The following BTRC variants were observed in gnomAD, a reference collection of about 807,000 sequenced individuals.
The protein encoded by BTRC is F-box/WD repeat-containing protein 1A.
In BTRC, 42 loss-of-function variants were observed where a neutral mutation model predicts 85.5. That is an observed-to-expected ratio of 0.49 (90% confidence interval 0.38 to 0.64). BTRC has a LOEUF of 0.64. BTRC is among the 30% of genes least tolerant of loss of function. The pLI is 0.00. For synonymous variants in BTRC, 255 were observed against 263.3 expected, an observed-to-expected ratio of 0.97 and a Z score of 0.30; for missense variants, 594 against 743.5, an observed-to-expected ratio of 0.80 and a Z score of 2.34.
chr10:101,452,888 C>A (rs1194798933), intron 2 of BTRC, among the ~76,000 whole-genome samples: 1 of 152,096 alleles, frequency 6.6e-6, no homozygotes, highest in Non-Finnish European at 1.5e-5. Context: ...CACTTTAGGT[C>A]CTCCCTAAAA....
intron 1 of BTRC, among the ~76,000 whole-genome samples, chr10:101,366,980 ATATT>A (rs1942456872): frequency 1.4e-5 from 1 of 70,254 alleles, no homozygotes; most frequent in Non-Finnish European, 2.6e-5. Context: ...ATATATTTAT[ATATT>A]TATATATATT....
In BTRC at chr10:101,534,752, G is replaced by A. The variant is rs1290811043; in HGVS notation, c.1189G>A (p.Val397Met). 4.3e-6 allele frequency: 7 copies of A among 1,614,146 alleles called. No homozygotes were observed. Among genetic ancestry groups the A allele is most frequent in the Non-Finnish European group, 5.1e-6 (6 of 1,180,014 alleles). The change falls in exon 10 of 15, where the codon GTG becomes ATG. Residue 397 changes from valine (V) to methionine (M), a missense_variant. Around this residue, in one of 4 missense-constraint regions of BTRC, gnomAD observed 373 missense variants for 503.6 expected, o/e 0.74. Coordinates refer to ENST00000370187, the MANE Select transcript of BTRC (RefSeq NM_033637.4). ...CTTGCGTTTCAATAATGGCATGATG[G>A]TGACCTGCTCCAAAGATCGTTCCAT... ...LHLRFNNGMMVTCSKDRSIAV... is the reference protein window; with the variant it reads ...LHLRFNNGMMMTCSKDRSIAV...
At chr10:101,422,867 T>A (rs1376123155) in intron 1 of BTRC, among the ~76,000 whole-genome samples, 1 of 152,218 alleles carries the variant, frequency 6.6e-6, no homozygotes, top group East Asian at 1.9e-4. Flanking sequence ...TTTTGGTTAC[T>A]GTTGCCTTGT....
At chr10:101,498,180 G>A (rs1368217480) in intron 4 of BTRC, among the ~76,000 whole-genome samples, 3 of 152,008 alleles carry the variant, frequency 2.0e-5, no homozygotes, top group Non-Finnish European at 1.5e-5. Context: ...TTGAGATGGA[G>A]TCTCATCCTG....
At chr10:101,367,469 T>C (rs760929131) in intron 1 of BTRC, among the ~76,000 whole-genome samples, 6 of 152,172 alleles carry the variant, frequency 3.9e-5, no homozygotes, top group Non-Finnish European at 5.9e-5. Flanking sequence ...TAGTTACATA[T>C]TTTTAATATG....
intron 1 of BTRC, among the ~76,000 whole-genome samples, chr10:101,383,057 A>ATTTTTTT (rs370353886): frequency 2.6e-5 from 3 of 116,486 alleles, no homozygotes; most frequent in African/African-American, 7.2e-5. Flanking sequence ...TTCCCTGGAG[A>ATTTTTTT]TTTTTTTTTT....
At chr10:101,463,524 A>C (rs1250143724) in intron 3 of BTRC, among the ~76,000 whole-genome samples, 1 of 152,240 alleles carries the variant, frequency 6.6e-6, no homozygotes, top group African/African-American at 2.4e-5. Context: ...GAGCCTGAGC[A>C]GCAGTAAAAA....
At chr10:101,535,534 C>T in intron 11 of BTRC, 62 bp downstream of exon 11, 1 of 1,138,764 alleles carries the variant, frequency 8.8e-7, no homozygotes, top group African/African-American at 1.6e-5. Flanking sequence ...ATTATTAATG[C>T]ACAGATCATA....
At chr10:101,503,935 A>T (rs1946453431) in intron 4 of BTRC, among the ~76,000 whole-genome samples, 2 of 152,146 alleles carry the variant, frequency 1.3e-5, no homozygotes, top group Non-Finnish European at 1.5e-5. Context: ...TCTTTATTTA[A>T]ACCCGACTGT....
intron 4 of BTRC, 120 bp from the exon 5 acceptor site, chr10:101,521,519 G>C: frequency 1.4e-6 from 1 of 715,496 alleles, no homozygotes; most frequent in South Asian, 2.0e-5. Context: ...ATTGCTAATA[G>C]AATAACAGAG....
intron 1 of BTRC, among the ~76,000 whole-genome samples, chr10:101,366,790 T>TA (rs1448574403): frequency 3.0e-4 from 18 of 59,146 alleles, no homozygotes; most frequent in East Asian, 2.1e-3. Flanking sequence ...ATATATATAT[T>TA]TTTACATTTA....
Position 101,532,301 on chromosome 10 carries a change from G to T in BTRC, c.847G>T (p.Glu283Ter). Residue 283 changes from glutamate to a stop codon, truncating the protein, a stop_gained, in exon 8 of 15, where the codon GAA (glutamate) becomes TAA (stop). Transcript: ENST00000370187. LOFTEE classifies it high-confidence loss of function. ...TCCCATTCCTTCTTCTCAGACAATA[G>T]AATCTAATTGGAGATGTGGAAGACA... ...PKIIQDIETI[E>*]SNWRCGRHSL... 1 of 1,610,410 alleles carries T rather than the reference G, an allele frequency of 6.2e-7. No homozygotes were observed. Among genetic ancestry groups the T allele is most frequent in the South Asian group, 1.1e-5 (1 of 90,290 alleles).
chr10:101,364,931 C>T (rs987308239), intron 1 of BTRC: 16 of 150,998 alleles, frequency 1.1e-4, no homozygotes, highest in African/African-American at 3.9e-4. Context: ...CTCCCTGCTC[C>T]AAAAATCTAT....
chr10:101,363,184 T>C (rs1476494611), intron 1 of BTRC, among the ~76,000 whole-genome samples: 1 of 152,244 alleles, frequency 6.6e-6, no homozygotes, highest in Non-Finnish European at 1.5e-5. Context: ...AGTATTATTA[T>C]TATCCCCATT....
At chr10:101,498,811 T>C (rs1946329578) in intron 4 of BTRC, among the ~76,000 whole-genome samples, 2 of 152,044 alleles carry the variant, frequency 1.3e-5, no homozygotes, top group South Asian at 4.1e-4. Context: ...ACCAACATGG[T>C]GAAACCCCGT....
At position 101,360,370 on chromosome 10, in the gene BTRC, C is replaced by CT. The variant is rs35794052; in HGVS notation, c.48+6163dup. On this transcript the variant is annotated intron_variant, in intron 1 of 14. Coordinates refer to ENST00000370187, the MANE Select transcript of BTRC (RefSeq NM_033637.4). ...ATGCCTGGCCTAGAGATGGGATCTG[C>CT]TTTTTTTTTTTTTTTTTTTTTGAGA... is the stretch of plus-strand genomic sequence containing the variant. Among the ~76,000 whole-genome samples, 862 of 89,886 alleles carry CT rather than the reference C, an allele frequency of 9.6e-3. 21 individuals carry two copies. The highest frequency in any genetic ancestry group is 0.033 in the East Asian group (104 of 3,144). 59.0% of individuals were successfully genotyped at this position (89,886 alleles called of 152,430 possible).
chr10:101,531,741 AAATC>A (rs2062284903), intron 7 of BTRC, among the ~76,000 whole-genome samples: 2 of 152,218 alleles, frequency 1.3e-5, no homozygotes, highest in Non-Finnish European at 2.9e-5. Flanking sequence ...AAGGAAAAGA[AAATC>A]AATCTCTTTA....
At chr10:101,546,718 G>T (rs2062563646) in intron 13 of BTRC, among the ~76,000 whole-genome samples, 1 of 152,112 alleles carries the variant, frequency 6.6e-6, no homozygotes, top group Non-Finnish European at 1.5e-5. Context: ...TTGAAAACAG[G>T]AAATCAATGG....
chr10:101,460,987 C>T (rs550680225), intron 2 of BTRC, among the ~76,000 whole-genome samples: 15 of 151,972 alleles, frequency 9.9e-5, no homozygotes, highest in East Asian at 5.8e-4. Context: ...ACTGCAACCT[C>T]GGCCTCCTGG....
Sources: gnomAD v4.1 joint callset for allele counts (sites outside exome capture counted in the v4.1 genomes callset) on GRCh38, gnomAD v4.1.1 for gene constraint, gnomAD v4.1.1 regional missense constraint, MANE v1.5 for transcripts, NCBI Gene and HGNC (gene_info 2026-07-23, HGNC 2026-07-21) for gene names.